Variants in MACROD1 observed in about 807,000 individuals in gnomAD.
The protein encoded by MACROD1 is mono-ADP ribosylhydrolase 1, also known as ADP-ribose glycohydrolase MACROD1.
Under a neutral mutation model 41.4 loss-of-function variants are expected in MACROD1, and 31 were observed. The observed-to-expected ratio is 0.75, with a 90% confidence interval of 0.56 to 1.01. The LOEUF is 1.01. MACROD1 is among the 50% of genes least tolerant of loss of function. MACROD1 has a pLI of 0.00. For synonymous variants in MACROD1, 252 were observed against 203.4 expected, an observed-to-expected ratio of 1.24 and a Z score of -2.03; for missense variants, 473 against 460.0, an observed-to-expected ratio of 1.03 and a Z score of -0.26.
intron 3 of MACROD1, among the ~76,000 whole-genome samples, chr11:64,031,159 C>G (rs1177126880): frequency 6.6e-6 from 1 of 152,158 alleles, no homozygotes; most frequent in Non-Finnish European, 1.5e-5. Flanking sequence ...GTGGCCTGGT[C>G]TGACCTGCCT....
intron 3 of MACROD1, among the ~76,000 whole-genome samples, chr11:64,039,282 G>A (rs541827888): frequency 6.6e-6 from 1 of 152,198 alleles, no homozygotes; most frequent in African/African-American, 2.4e-5. Context: ...ATAGTGGGGT[G>A]GGTGGGGACT....
intron 1 of MACROD1, among the ~76,000 whole-genome samples, chr11:64,157,156 G>A (rs867466308): frequency 8.5e-5 from 13 of 152,050 alleles, no homozygotes; most frequent in Non-Finnish European, 1.6e-4. Context: ...GCAGTGGCAC[G>A]ATCTCGGCTC....
chr11:64,074,603 C>T (rs530592540), intron 3 of MACROD1, among the ~76,000 whole-genome samples: 3 of 152,322 alleles, frequency 2.0e-5, no homozygotes, highest in Admixed American at 1.3e-4. Context: ...GGCAGCCCTT[C>T]TCCCATTGCT....
intron 1 of MACROD1, among the ~76,000 whole-genome samples, chr11:64,154,392 C>T (rs1312782019): frequency 6.6e-6 from 1 of 152,102 alleles, no homozygotes; most frequent in Admixed American, 6.5e-5. Flanking sequence ...GAAACCAAGC[C>T]TTCCTCTCAC....
intron 3 of MACROD1, among the ~76,000 whole-genome samples, chr11:64,048,857 T>C (rs1269463494): frequency 6.6e-6 from 1 of 152,172 alleles, no homozygotes; most frequent in Non-Finnish European, 1.5e-5. Flanking sequence ...ACCAGGGCCA[T>C]CCCATGGTGC....
chr11:64,155,412 G>T (rs552262915), intron 1 of MACROD1, among the ~76,000 whole-genome samples: 3 of 152,218 alleles, frequency 2.0e-5, no homozygotes, highest in Non-Finnish European at 4.4e-5. Context: ...TATAGGTCCC[G>T]CCAGGTTTGG....
rs548972176 is a variant in MACROD1, at chr11:64,126,275, C to G, written c.517+24964G>C. On this transcript the variant is annotated intron_variant, in intron 3 of 10. Coordinates refer to ENST00000255681, the MANE Select transcript of MACROD1 (RefSeq NM_014067.4). ...GTGCCTTCCAGCTCATAAGGAGAGG[C>G]CAAGAGCCATGGGGAGGAAGCCACA... Among the ~76,000 whole-genome samples the G allele has an allele frequency of 2.0e-5, 3 of 152,300 alleles. No homozygotes were observed. In the South Asian group the frequency reaches 6.2e-4, roughly 32 times the overall value.
intron 3 of MACROD1, among the ~76,000 whole-genome samples, chr11:64,069,707 G>A (rs1441390850): frequency 6.6e-6 from 1 of 152,152 alleles, no homozygotes; most frequent in East Asian, 1.9e-4. Context: ...GGCGGTGGTG[G>A]GGCTGGTGAC....
chr11:64,112,187 G>A (rs1944874745), intron 3 of MACROD1, among the ~76,000 whole-genome samples: 1 of 152,144 alleles, frequency 6.6e-6, no homozygotes, highest in Non-Finnish European at 1.5e-5. Context: ...CCCTGCCCTT[G>A]TAGAGCGTAC....
chr11:64,127,747 C>T (rs1945207677), intron 3 of MACROD1, among the ~76,000 whole-genome samples: 1 of 152,156 alleles, frequency 6.6e-6, no homozygotes, highest in Non-Finnish European at 1.5e-5. Context: ...GCTCCAGCAA[C>T]CAAGTGGCTC....
At chr11:64,080,415 T>G (rs1184419192) in intron 3 of MACROD1, among the ~76,000 whole-genome samples, 2 of 152,136 alleles carry the variant, frequency 1.3e-5, no homozygotes, top group Non-Finnish European at 2.9e-5. Context: ...ATTCAGCGGG[T>G]TTTTTTGTGT....
rs1339226808 is a variant in MACROD1 at position 64,165,860 on chromosome 11, C to T, written c.135G>A (p.Pro45=). ...GGCGGCCGAACACGCCCAGGAACGC[C>T]GGGGGACCGCACGTGCTGCTGCGGG... is the stretch of plus-strand genomic sequence containing the variant. ...TRTRSSTCGP[P]AFLGVFGRRA... is the part of the protein sequence containing the mutation. The change falls in exon 1 of 11, where the codon CCG becomes CCA. Residue 45 remains proline (P), a synonymous_variant. Transcript: ENST00000255681. 3 of 1,454,756 alleles carry T rather than the reference C, an allele frequency of 2.1e-6. No homozygotes were observed. Among genetic ancestry groups the T allele is most frequent in the Non-Finnish European group, 2.7e-6 (3 of 1,104,926 alleles). The allele number at this position is 1,454,756 out of a possible 1,614,324, so 90.1% of individuals were successfully genotyped here.
chr11:64,088,520 G>C (rs963329982), intron 3 of MACROD1, among the ~76,000 whole-genome samples: 1 of 152,182 alleles, frequency 6.6e-6, no homozygotes, highest in Non-Finnish European at 1.5e-5. Flanking sequence ...GACGGCAGAG[G>C]CTGACTCTCC....
chr11:64,117,155 G>A (rs1281142477), intron 3 of MACROD1: 2 of 1,613,880 alleles, frequency 1.2e-6, no homozygotes, highest in African/African-American at 1.3e-5. Context: ...TGCGTGAGCT[G>A]GAGCGGCTGG....
intron 1 of MACROD1, among the ~76,000 whole-genome samples, chr11:64,159,474 C>G (rs1472522484): frequency 1.3e-5 from 2 of 151,984 alleles, no homozygotes; most frequent in Non-Finnish European, 2.9e-5. Flanking sequence ...CCAGCCTGGG[C>G]AACAAAGTGA....
At chr11:64,097,641 G>A (rs1444221025) in intron 3 of MACROD1, among the ~76,000 whole-genome samples, 1 of 152,246 alleles carries the variant, frequency 6.6e-6, no homozygotes, top group Admixed American at 6.5e-5. Flanking sequence ...GCAGAGCGGA[G>A]GCTGGGAGGG....
intron 1 of MACROD1, among the ~76,000 whole-genome samples, chr11:64,164,434 G>A (rs1055417270): frequency 6.6e-6 from 1 of 152,220 alleles, no homozygotes; most frequent in African/African-American, 2.4e-5. Context: ...CTGGGTTGTT[G>A]TCCTCTGAGA....
intron 3 of MACROD1, among the ~76,000 whole-genome samples, chr11:64,139,739 G>A (rs1945384075): frequency 6.6e-6 from 1 of 151,762 alleles, no homozygotes; most frequent in Admixed American, 6.6e-5. Context: ...GGCGGATCAC[G>A]AGGTCAGGAG....
intron 3 of MACROD1, among the ~76,000 whole-genome samples, chr11:64,106,105 C>T (rs1399710789): frequency 2.0e-5 from 3 of 152,186 alleles, no homozygotes; most frequent in African/African-American, 7.2e-5. Context: ...GGCCAAGAGT[C>T]TCCCTTTGGG....
Sources: gnomAD v4.1 joint callset for allele counts (sites outside exome capture counted in the v4.1 genomes callset) on GRCh38, gnomAD v4.1.1 for gene constraint, MANE v1.5 for transcripts, NCBI Gene and HGNC (gene_info 2026-07-23, HGNC 2026-07-21) for gene names.